NFIB: variants seen among roughly 807,000 people sequenced by gnomAD.
NFIB encodes nuclear factor I B.
In NFIB, 11 loss-of-function variants were observed where a neutral mutation model predicts 61.5. The observed-to-expected ratio is 0.18, with a 90% CI of 0.11 to 0.30. NFIB has a LOEUF of 0.30. Ranked by LOEUF, NFIB falls within the 10% of genes least tolerant of loss-of-function variation. The pLI is 1.00. For synonymous variants in NFIB, 260 were observed against 216.5 expected (o/e 1.20, Z -1.76); for missense variants, 471 against 608.9 (o/e 0.77, Z 2.38).
At chr9:14,396,534 C>A (rs1343257179) in intron 1 of NFIB, among the ~76,000 whole-genome samples, 1 of 151,754 alleles carries the variant, frequency 6.6e-6, no homozygotes, top group African/African-American at 2.4e-5. Flanking sequence ...TATCTTAGGA[C>A]CTGGGCTTTG....
At chr9:14,160,831 C>CAAAAAAAAAA (rs36063048) in intron 3 of NFIB, among the ~76,000 whole-genome samples, 2 of 96,322 alleles carry the variant, frequency 2.1e-5, no homozygotes, top group Non-Finnish European at 3.9e-5. Flanking sequence ...AAGGAAATCT[C>CAAAAAAAAAA]AAAAAAAAAA....
chr9:14,344,155 C>T (rs1465030470), intron 1 of NFIB, among the ~76,000 whole-genome samples: 1 of 148,882 alleles, frequency 6.7e-6, no homozygotes, highest in East Asian at 2.0e-4. Context: ...GTGCCTGAGA[C>T]AGAGCGACAT....
At position 14,292,166 on chromosome 9, in the gene NFIB, A is replaced by C. The variant is rs2059147119; in HGVS notation, c.562+14823T>G. Among the ~76,000 whole-genome samples the C allele has an allele frequency of 4.6e-5, 7 of 152,202 alleles. No individual in the cohort carries two copies. The South Asian group carries it at 1.5e-3, about 32-fold the overall frequency. On this transcript the variant is annotated intron_variant, in intron 2 of 10. Coordinates refer to ENST00000380953, the MANE Select transcript of NFIB (RefSeq NM_001190737.2). ...AATAATAACCTTTCATTATTTTTTG[A>C]TAATTTACGTTTATTTTTCCTCCTA...
At chr9:14,199,877 G>A (rs947244624) in intron 2 of NFIB, among the ~76,000 whole-genome samples, 1 of 152,070 alleles carries the variant, frequency 6.6e-6, no homozygotes, top group South Asian at 2.1e-4. Context: ...ACATTAGTTG[G>A]CTCAATCATA....
At chr9:14,420,356 G>A in the NFIB span, among the ~76,000 whole-genome samples, 1 of 144,150 alleles carries the variant, frequency 6.9e-6, no homozygotes, top group Non-Finnish European at 1.5e-5. Context: ...TGAGAGGGGA[G>A]GATCACTTGA....
At chr9:14,147,264 T>A (rs1327153493) in intron 5 of NFIB, among the ~76,000 whole-genome samples, 1 of 152,138 alleles carries the variant, frequency 6.6e-6, no homozygotes, top group Non-Finnish European at 1.5e-5. Flanking sequence ...ACAGTCCTAG[T>A]ATAAAATCTT....
At chr9:14,323,702 A>C (rs1381494083) in intron 1 of NFIB, among the ~76,000 whole-genome samples, 1 of 152,198 alleles carries the variant, frequency 6.6e-6, no homozygotes, top group Non-Finnish European at 1.5e-5. Context: ...GCACGTCAGT[A>C]TTTTAATCTC....
intron 2 of NFIB, among the ~76,000 whole-genome samples, chr9:14,258,257 C>T (rs2056419259): frequency 6.6e-6 from 1 of 152,206 alleles, no homozygotes; most frequent in South Asian, 2.1e-4. Flanking sequence ...GCTGTTTAAC[C>T]TTGGATACTT....
intron 2 of NFIB, among the ~76,000 whole-genome samples, chr9:14,251,471 C>T (rs984065996): frequency 3.9e-5 from 6 of 152,216 alleles, no homozygotes; most frequent in Non-Finnish European, 8.8e-5. Flanking sequence ...GAGATTGCTG[C>T]CAGCCCCTTG....
At chr9:14,258,806 A>C (rs1233369373) in intron 2 of NFIB, among the ~76,000 whole-genome samples, 1 of 152,210 alleles carries the variant, frequency 6.6e-6, no homozygotes, top group East Asian at 1.9e-4. Flanking sequence ...ACATTATAAA[A>C]ACAAAATACA....
the NFIB span, among the ~76,000 whole-genome samples, chr9:14,462,347 A>G: frequency 6.7e-6 from 1 of 149,930 alleles, no homozygotes; most frequent in African/African-American, 2.5e-5. Context: ...CAGTGGCGCG[A>G]TCTTGGCTCA....
chr9:14,508,102 T>C, the NFIB span, among the ~76,000 whole-genome samples: 1 of 150,932 alleles, frequency 6.6e-6, no homozygotes, highest in Non-Finnish European at 1.5e-5. Context: ...TATATAAATA[T>C]ACATGTTAAT....
intron 10 of NFIB, among the ~76,000 whole-genome samples, chr9:14,093,717 T>C (rs1160444071): frequency 6.6e-6 from 1 of 152,068 alleles, no homozygotes; most frequent in African/African-American, 2.4e-5. Context: ...GTTCTCCTTA[T>C]TAATTGCTGA....
rs751204177 is a variant in NFIB, at chr9:14,179,714, A to C, written c.616+13T>G. ...CAATGTCAGATTGCAAATGTCCTGGAACACATATTTACCTGGAGGATTCTT... is the reference window on the plus strand; with the variant it reads ...CAATGTCAGATTGCAAATGTCCTGGCACACATATTTACCTGGAGGATTCTT... On this transcript the variant is annotated intron_variant, in intron 3 of 10. Coordinates refer to ENST00000380953, the MANE Select transcript of NFIB (RefSeq NM_001190737.2). 3.1e-6 allele frequency: 5 copies of C among 1,613,388 alleles called. No homozygotes were observed. Among genetic ancestry groups the C allele is most frequent in the South Asian group, 2.2e-5 (2 of 91,028 alleles).
At chr9:14,233,410 T>C (rs2053408268) in intron 2 of NFIB, among the ~76,000 whole-genome samples, 2 of 151,230 alleles carry the variant, frequency 1.3e-5, no homozygotes, top group Non-Finnish European at 2.9e-5. Flanking sequence ...TTTAGCTCTT[T>C]TGCTATTATT....
At chr9:14,279,150 T>C (rs1030827544) in intron 2 of NFIB, among the ~76,000 whole-genome samples, 11 of 152,036 alleles carry the variant, frequency 7.2e-5, no homozygotes, top group East Asian at 5.8e-4. Flanking sequence ...TCAGGAGTGA[T>C]TGTTAACAAT....
chr9:14,348,225 A>C (rs1380126436), intron 1 of NFIB, among the ~76,000 whole-genome samples: 1 of 152,144 alleles, frequency 6.6e-6, no homozygotes, highest in Non-Finnish European at 1.5e-5. Flanking sequence ...CAATTATATC[A>C]TACAACTGCA....
chr9:14,262,446 G>T (rs182593520), intron 2 of NFIB, among the ~76,000 whole-genome samples: 1 of 152,282 alleles, frequency 6.6e-6, no homozygotes, highest in Admixed American at 6.5e-5. Context: ...CATAAAGGCA[G>T]CTATGATGTA....
At chr9:14,154,084 T>G (rs1345414328) in intron 4 of NFIB, among the ~76,000 whole-genome samples, 1 of 152,174 alleles carries the variant, frequency 6.6e-6, no homozygotes, top group African/African-American at 2.4e-5. Context: ...TACCTTGGTT[T>G]TGAACTGTTC....
Sources: gnomAD v4.1 joint callset for allele counts (sites outside exome capture counted in the v4.1 genomes callset) on GRCh38, gnomAD v4.1.1 for gene constraint, MANE v1.5 for transcripts, NCBI Gene and HGNC (gene_info 2026-07-23, HGNC 2026-07-21) for gene names.